Variants in PIK3R1 observed in about 807,000 individuals in gnomAD.
PIK3R1 encodes phosphatidylinositol 3-kinase regulatory subunit alpha.
Under a neutral mutation model 98.0 loss-of-function variants are expected in PIK3R1, and 29 were observed. The ratio of observed to expected loss-of-function variants is 0.30; its 90% confidence interval spans 0.22 to 0.40. The LOEUF is 0.40. PIK3R1 is among the 10% of genes least tolerant of loss of function. The probability of loss-of-function intolerance (pLI) is 1.00; values close to 1 mark genes in which losing one functional copy is unlikely to be tolerated. For missense variants in PIK3R1, 596 were observed against 872.7 expected, an observed-to-expected ratio of 0.68 and a Z score of 3.99; for synonymous variants, 282 against 311.8, an observed-to-expected ratio of 0.90 and a Z score of 1.01.
Position 68,295,043 on chromosome 5 carries a change from T to C in PIK3R1, c.1569-105T>C, listed in dbSNP as rs1580265139. On this transcript the variant is annotated intron_variant, in intron 12 of 15. Coordinates refer to ENST00000521381, the MANE Select transcript of PIK3R1 (RefSeq NM_181523.3). The stretch of plus-strand genomic sequence containing the variant: ...AATGACAGGAAGAGAAGCCACGCTT[T>C]ACCTAAGGAAAACTGCTGGGAAACC... 3.8e-6 allele frequency: 3 copies of C among 788,416 alleles called. No individual in the cohort carries two copies. The South Asian group carries it at 1.0e-4, about 27-fold the overall frequency. 48.8% of individuals were successfully genotyped at this position (788,416 alleles called of 1,614,324 possible).
chr5:68,221,942 A>T (rs941142875), intron 1 of PIK3R1, among the ~76,000 whole-genome samples: 1 of 152,250 alleles, frequency 6.6e-6, no homozygotes, highest in Non-Finnish European at 1.5e-5. Context: ...ATGATATTAT[A>T]TAAGAGTAAG....
chr5:68,218,114 TTAAA>T (rs56016313), intron 1 of PIK3R1, among the ~76,000 whole-genome samples: 6,061 of 152,272 alleles, frequency 0.04, 173 homozygotes, highest in East Asian at 0.09. Context: ...TTTCTTGAGT[TTAAA>T]TATACTAAGC....
intron 1 of PIK3R1, among the ~76,000 whole-genome samples, chr5:68,222,515 G>C (rs1181920838): frequency 6.6e-6 from 1 of 152,130 alleles, no homozygotes; most frequent in Non-Finnish European, 1.5e-5. Context: ...TTCCAGAAGT[G>C]GGCAGCCTTC....
rs1301024108 is a variant in PIK3R1, at chr5:68,293,873, T to C, written c.1425+39T>C. 4.0e-6 allele frequency: 6 copies of C among 1,485,850 alleles called. No individual in the cohort carries two copies. The African/African-American group carries it at 7.5e-5, about 19-fold the overall frequency. The allele number at this position is 1,485,850 out of a possible 1,614,324, so 92.0% of individuals were successfully genotyped here. A position where few individuals can be genotyped will look rare whatever the true frequency, so the allele number is the denominator to read the frequency against. On this transcript the variant is annotated intron_variant, in intron 11 of 15. Coordinates refer to ENST00000521381, the MANE Select transcript of PIK3R1 (RefSeq NM_181523.3). ...GAAAATCAGATTAAAAAATAAGAGT[T>C]CTAAACTTTTAAAGACTAACATGGA...
intron 3 of PIK3R1, chr5:68,273,709 C>T (rs1746457028): frequency 1.7e-6 from 1 of 590,816 alleles, no homozygotes; most frequent in African/African-American, 1.9e-5. Context: ...CTATTAAATT[C>T]TTCATAATTT....
intron 2 of PIK3R1, among the ~76,000 whole-genome samples, chr5:68,251,208 G>A (rs1267380213): frequency 6.6e-6 from 1 of 152,036 alleles, no homozygotes; most frequent in East Asian, 1.9e-4. Context: ...TGTTATTATG[G>A]AAGGTAAAAT....
chr5:68,243,749 C>T (rs1004276657), intron 2 of PIK3R1, among the ~76,000 whole-genome samples: 10 of 152,242 alleles, frequency 6.6e-5, no homozygotes, highest in Admixed American at 3.9e-4. Context: ...TGGTGGATCA[C>T]GGGCAGAAAC....
At chr5:68,241,220 A>G (rs774868832) in intron 2 of PIK3R1, among the ~76,000 whole-genome samples, 56 of 152,080 alleles carry the variant, frequency 3.7e-4, no homozygotes, top group Non-Finnish European at 7.2e-4. Flanking sequence ...AAATGAGAGG[A>G]AAAAAAATCT....
chr5:68,251,224 G>C (rs1005256767), intron 2 of PIK3R1, among the ~76,000 whole-genome samples: 2 of 151,894 alleles, frequency 1.3e-5, no homozygotes, highest in African/African-American at 4.8e-5. Context: ...AAAATTCCTG[G>C]ATCCTAGATT....
chr5:68,299,310 C>CAAAT lies in PIK3R1; in HGVS notation c.*1711_*1714dup, dbSNP rs2112305350. 4.3e-6 allele frequency: 1 copy of CAAAT among 232,324 alleles called. No individual in the cohort carries two copies. The highest frequency in any genetic ancestry group is 2.2e-5 in the African/African-American group (1 of 44,750). The allele number at this position is 232,324 out of a possible 1,614,324, so 14.4% of individuals were successfully genotyped here. A position where few individuals can be genotyped will look rare whatever the true frequency, so the allele number is the denominator to read the frequency against. On this transcript the variant is annotated 3_prime_UTR_variant, in exon 16 of 16. Transcript: ENST00000521381. ...TTTCCATTTGGTTTAGAACATAAAG[C>CAAAT]AAATAGACACAGTCATACTGTCACT...
At chr5:68,238,460 G>A (rs1410565906) in intron 2 of PIK3R1, among the ~76,000 whole-genome samples, 1 of 152,138 alleles carries the variant, frequency 6.6e-6, no homozygotes, top group Non-Finnish European at 1.5e-5. Flanking sequence ...TTTCCACTTA[G>A]TATTATGATT....
intron 2 of PIK3R1, among the ~76,000 whole-genome samples, chr5:68,255,781 CAG>C: frequency 6.6e-6 from 1 of 152,202 alleles, no homozygotes. Context: ...TTATAATATA[CAG>C]AGTCATAAAT....
At chr5:68,280,313 T>C in intron 5 of PIK3R1, 1 of 576,838 alleles carries the variant, frequency 1.7e-6, no homozygotes, top group Non-Finnish European at 3.1e-6. Flanking sequence ...CTTTACACAC[T>C]GAGCTTTTTG....
At chr5:68,241,764 G>A (rs1054694894) in intron 2 of PIK3R1, among the ~76,000 whole-genome samples, 9 of 152,204 alleles carry the variant, frequency 5.9e-5, no homozygotes, top group South Asian at 2.1e-4. Flanking sequence ...CCCTCAAGAC[G>A]AGTTGCAGGA....
At chr5:68,227,915 G>A (rs899459338) in intron 2 of PIK3R1, among the ~76,000 whole-genome samples, 2 of 152,160 alleles carry the variant, frequency 1.3e-5, no homozygotes, top group Admixed American at 6.5e-5. Context: ...CCATACTTGC[G>A]CTTCAGGCAC....
intron 2 of PIK3R1, among the ~76,000 whole-genome samples, chr5:68,266,336 G>A (rs918192433): frequency 2.6e-5 from 4 of 152,192 alleles, no homozygotes; most frequent in Admixed American, 6.5e-5. Context: ...GTCTCCACAA[G>A]TTTGCCCTCA....
chr5:68,217,668 G>A (rs1339703955), intron 1 of PIK3R1: 1 of 150,840 alleles, frequency 6.6e-6, no homozygotes, highest in Non-Finnish European at 1.5e-5. Flanking sequence ...GCGCGTGCCT[G>A]CGGCTAAAGT....
chr5:68,265,397 T>G (rs1043989840), intron 2 of PIK3R1, among the ~76,000 whole-genome samples: 1 of 151,944 alleles, frequency 6.6e-6, no homozygotes, highest in Non-Finnish European at 1.5e-5. Context: ...CACCACAGAC[T>G]GGTGTTTATG....
At chr5:68,290,188 G>A (rs1006802853) in intron 7 of PIK3R1, among the ~76,000 whole-genome samples, 4 of 152,176 alleles carry the variant, frequency 2.6e-5, no homozygotes, top group Admixed American at 2.0e-4. Flanking sequence ...AAAATACCAG[G>A]AGTAGTCCGT....
Sources: allele counts gnomAD v4.1 joint callset (sites outside exome capture counted in the v4.1 genomes callset), GRCh38; gene constraint gnomAD v4.1.1; transcripts MANE v1.5; gene names NCBI Gene and HGNC (gene_info 2026-07-23, HGNC 2026-07-21).